The following SHROOM3 variants were observed in gnomAD, a reference collection of about 807,000 sequenced individuals.
SHROOM3 encodes protein Shroom3.
SHROOM3 carries 47 observed loss-of-function variants against 138.6 expected under a neutral mutation model. The ratio of observed to expected loss-of-function variants is 0.34; its 90% CI spans 0.27 to 0.43. SHROOM3 has a LOEUF of 0.43. Among genes scored for constraint, SHROOM3 ranks in the 20% least tolerant of loss-of-function variants. The pLI, the probability that SHROOM3 is intolerant of heterozygous loss-of-function variation, is 1.00. For synonymous variants in SHROOM3, 1,062 were observed against 1,063.3 expected (o/e 1.00, Z 0.02); for missense variants, 2,491 against 2,596.5 (o/e 0.96, Z 0.88).
chr4:76,640,443 G>A (rs1230074354), intron 2 of SHROOM3, among the ~76,000 whole-genome samples: 1 of 152,178 alleles, frequency 6.6e-6, no homozygotes, highest in Non-Finnish European at 1.5e-5. Context: ...ACAGCCAGGT[G>A]CCAAATCCAT....
Position 76,766,318 on chromosome 4 carries a change from T to C in SHROOM3, c.5350-4308T>C, listed in dbSNP as rs370404162. 2.1e-4 allele frequency among the ~76,000 whole-genome samples: 32 copies of C among 152,304 alleles called. 1 individual carries two copies. The highest frequency in any genetic ancestry group is 7.2e-4 in the African/African-American group (30 of 41,570). On this transcript the variant is annotated intron_variant, in intron 9 of 10. Transcript: ENST00000296043. ...CTGTGGATAACTGAGAAACAGAAGG[T>C]CAAGTGACTTGCCTGATGCCGAATG...
intron 1 of SHROOM3, among the ~76,000 whole-genome samples, chr4:76,515,543 A>C (rs2110007467): frequency 6.6e-6 from 1 of 152,286 alleles, no homozygotes; most frequent in South Asian, 2.1e-4. Context: ...TTCCTTTAGA[A>C]CTTCTAATGA....
chr4:76,756,655 G>A lies in SHROOM3; in HGVS notation c.4916G>A (p.Ser1639Asn), dbSNP rs1413326762. Residue 1639 changes from serine (S) to asparagine (N), a missense_variant, in exon 8 of 11, where the codon AGC (serine) becomes AAC (asparagine). Ser to Asn is a conservative substitution (Grantham distance 46, BLOSUM62 1). Around this residue, in one of 4 missense-constraint regions of SHROOM3, gnomAD observed 470 missense variants for 595.0 expected, o/e 0.79. Coordinates refer to ENST00000296043, the MANE Select transcript of SHROOM3 (RefSeq NM_020859.4). The stretch of plus-strand genomic sequence containing the variant: ...CAGCCAGCACCCATCCAGACTCAAA[G>A]CCTCAGCCATGATCCAGTCAGTGGA... ...GGQPAPIQTQSLSHDPVSGTQ... is the reference protein window; with the variant it reads ...GGQPAPIQTQNLSHDPVSGTQ... The A allele has an allele frequency of 6.2e-7, 1 of 1,613,850 alleles. No homozygotes were observed. The highest frequency in any genetic ancestry group is 1.7e-5 in the Admixed American group (1 of 59,988).
rs1322731289 is a variant in SHROOM3, at chr4:76,740,071, A to T, written c.1898A>T (p.Asp633Val). Reference protein sequence around the residue: ...SEPWEGDFQEDHNANLWRRLE... With the variant: ...SEPWEGDFQEVHNANLWRRLE... ...CCCTGGGAGGGCGATTTCCAGGAAG[A>T]CCACAATGCCAACCTCTGGAGGAGG... The change falls in exon 5 of 11, where the codon GAC becomes GTC. Residue 633 changes from aspartate (D) to valine (V), a missense_variant. Physicochemically the swap from Asp to Val is radical, Grantham distance 152 (BLOSUM62 -3). Coordinates refer to ENST00000296043, the MANE Select transcript of SHROOM3 (RefSeq NM_020859.4). This position sits in a 1 kb window ranked among gnomAD's most constrained non-coding sequence, Gnocchi z 4.0. 1 of 1,613,760 alleles carries T rather than the reference A, an allele frequency of 6.2e-7. No homozygotes were observed. Among genetic ancestry groups the T allele is most frequent in the Non-Finnish European group, 8.5e-7 (1 of 1,180,008 alleles).
At chr4:76,668,990 C>T (rs1398609875) in intron 2 of SHROOM3, among the ~76,000 whole-genome samples, 1 of 152,156 alleles carries the variant, frequency 6.6e-6, no homozygotes, top group Non-Finnish European at 1.5e-5. Flanking sequence ...AAGCATATTG[C>T]ATTTTTTAAC....
intron 9 of SHROOM3, among the ~76,000 whole-genome samples, chr4:76,765,367 AAT>A: frequency 6.6e-6 from 1 of 151,782 alleles, no homozygotes; most frequent in Non-Finnish European, 1.5e-5. Context: ...AAAAAAAAAA[AAT>A]TAGCCAAGTG....
intron 9 of SHROOM3, among the ~76,000 whole-genome samples, chr4:76,765,897 GAAAC>G (rs1299102591): frequency 1.3e-5 from 2 of 152,190 alleles, no homozygotes; most frequent in Non-Finnish European, 2.9e-5. Flanking sequence ...ACAGTGGAAA[GAAAC>G]AAGGCTTTTC....
chr4:76,759,857 TTAAC>T (rs1721939053), intron 9 of SHROOM3, among the ~76,000 whole-genome samples, 162 bp downstream of exon 9: 1 of 152,328 alleles, frequency 6.6e-6, no homozygotes, highest in Non-Finnish European at 1.5e-5. Flanking sequence ...ACATGGCACT[TTAAC>T]TAATTTCCTC....
intron 9 of SHROOM3, among the ~76,000 whole-genome samples, chr4:76,765,415 C>T (rs945651240): frequency 7.9e-5 from 12 of 151,572 alleles, no homozygotes; most frequent in African/African-American, 1.7e-4. Flanking sequence ...CTACCTGGGA[C>T]GCTGAGGTGG....
At chr4:76,659,866 G>A (rs946929343) in intron 2 of SHROOM3, among the ~76,000 whole-genome samples, 17 of 152,292 alleles carry the variant, frequency 1.1e-4, no homozygotes, top group East Asian at 1.9e-4. Flanking sequence ...ACAGGCGTGA[G>A]CCACCGCACC....
chr4:76,757,660 G>A (rs1578024537), intron 8 of SHROOM3, among the ~76,000 whole-genome samples: 1 of 152,152 alleles, frequency 6.6e-6, no homozygotes, highest in Non-Finnish European at 1.5e-5. Context: ...GAGTAGGAGC[G>A]CACTGTCTGG....
intron 1 of SHROOM3, among the ~76,000 whole-genome samples, chr4:76,511,581 T>A (rs1579203728): frequency 6.6e-6 from 1 of 152,250 alleles, no homozygotes; most frequent in Middle Eastern, 3.4e-3. Context: ...TGAGCAGGGG[T>A]CTTGCTGGCA....
chr4:76,642,852 G>T (rs1007761261), intron 2 of SHROOM3, among the ~76,000 whole-genome samples: 1 of 152,106 alleles, frequency 6.6e-6, no homozygotes, highest in South Asian at 2.1e-4. Flanking sequence ...GAGTATTTGT[G>T]GGGGAGGGGA....
chr4:76,558,112 T>A (rs1733525259), intron 2 of SHROOM3, among the ~76,000 whole-genome samples: 1 of 152,160 alleles, frequency 6.6e-6, no homozygotes, highest in Non-Finnish European at 1.5e-5. Context: ...ATGACTGTGG[T>A]GATAGATTGG....
intron 1 of SHROOM3, among the ~76,000 whole-genome samples, chr4:76,526,106 G>C (rs1004531376): frequency 6.6e-6 from 1 of 152,224 alleles, no homozygotes. Context: ...GGTGGCTCAT[G>C]CCTGTAATCC....
chr4:76,653,466 A>G (rs1439554133), intron 2 of SHROOM3, among the ~76,000 whole-genome samples: 1 of 151,828 alleles, frequency 6.6e-6, no homozygotes, highest in Non-Finnish European at 1.5e-5. Context: ...GTTGAGAACC[A>G]GCATTCTAGA....
rs560656938 is a variant in SHROOM3 at position 76,663,085 on chromosome 4, C to T, written c.324-47071C>T. Among the ~76,000 whole-genome samples the T allele has an allele frequency of 2.0e-5, 3 of 152,208 alleles. No homozygotes were observed. The South Asian group carries it at 6.2e-4, about 32-fold the overall frequency. Reference sequence around the variant, plus strand: ...AGTCTGATCCTATAAGGGGACTTTGCGGTTTGGTAATTTAAATCACCATAA... The same window carrying T: ...AGTCTGATCCTATAAGGGGACTTTGTGGTTTGGTAATTTAAATCACCATAA... On this transcript the variant is annotated intron_variant, in intron 2 of 10. Coordinates refer to ENST00000296043, the MANE Select transcript of SHROOM3 (RefSeq NM_020859.4).
At chr4:76,644,524 T>C (rs1481581524) in intron 2 of SHROOM3, among the ~76,000 whole-genome samples, 1 of 152,016 alleles carries the variant, frequency 6.6e-6, no homozygotes, top group African/African-American at 2.4e-5. Flanking sequence ...ACAAGCTTTT[T>C]AATTTAATAA....
intron 1 of SHROOM3, among the ~76,000 whole-genome samples, chr4:76,521,322 G>A (rs1161994143): frequency 6.6e-6 from 1 of 151,548 alleles, no homozygotes; most frequent in African/African-American, 2.4e-5. Flanking sequence ...GTGCACACAT[G>A]TGTGTTGAAA....
Sources: allele counts gnomAD v4.1 joint callset (sites outside exome capture counted in the v4.1 genomes callset), GRCh38; gene constraint gnomAD v4.1.1; regional missense constraint gnomAD v4.1.1; non-coding constraint Gnocchi (gnomAD v3.1); transcripts MANE v1.5; gene names NCBI Gene and HGNC (gene_info 2026-07-23, HGNC 2026-07-21).